KIFC1: variants seen among roughly 807,000 people sequenced by gnomAD.
KIFC1 encodes the protein kinesin-like protein KIFC1.
In KIFC1, 37 loss-of-function variants were observed where a neutral mutation model predicts 66.6. The ratio of observed to expected loss-of-function variants is 0.56; its 90% CI spans 0.43 to 0.73. The LOEUF is 0.73. Among genes scored for constraint, KIFC1 ranks in the 30% least tolerant of loss-of-function variants. The pLI is 0.00. For missense variants in KIFC1, 721 were observed against 859.8 expected (o/e 0.84, Z 2.02); for synonymous variants, 325 against 343.5 (o/e 0.95, Z 0.60).
At chr6:33,402,126 CAT>C (rs1775404383) in intron 3 of KIFC1, among the ~76,000 whole-genome samples, 2 of 152,078 alleles carry the variant, frequency 1.3e-5, no homozygotes, top group African/African-American at 4.8e-5. Flanking sequence ...AAACTAGTAA[CAT>C]AGTCATTATC....
Position 33,406,688 on chromosome 6 carries a change from A to AG in KIFC1, c.1901+27dup, listed in dbSNP as rs753601334. ...GATGTGAGTGAAAGGGACAGATGGA[A>AG]GGGGTCAGGTAGGAACTGTGTTGGG... On this transcript the variant is annotated intron_variant, in intron 9 of 10. Transcript: ENST00000428849. The surrounding 1 kb of genome is among the most constrained non-coding windows in gnomAD (Gnocchi z 4.5). 8.7e-6 allele frequency: 14 copies of AG among 1,613,572 alleles called. No individual in the cohort carries two copies. Among genetic ancestry groups the AG allele is most frequent in the Non-Finnish European group, 1.2e-5 (14 of 1,179,616 alleles).
At position 33,409,867 on chromosome 6, in the gene KIFC1, TAAA is replaced by T; in HGVS notation, c.*178_*180del. 4.7e-6 allele frequency: 3 copies of T among 631,788 alleles called. No individual in the cohort carries two copies. Among genetic ancestry groups the T allele is most frequent in the Non-Finnish European group, 8.1e-6 (3 of 371,832 alleles). 39.1% of individuals were successfully genotyped at this position (631,788 alleles called of 1,614,324 possible). A position where few individuals can be genotyped will look rare whatever the true frequency, so the allele number is the denominator to read the frequency against. ...ATAAAGAATAGTTTGGTTTTTTTTTTAAATAAAGGTTTTATTAGCATTTGCCCA... is the reference window on the plus strand; with the variant it reads ...ATAAAGAATAGTTTGGTTTTTTTTTTTAAAGGTTTTATTAGCATTTGCCCA... On this transcript the variant is annotated 3_prime_UTR_variant, in exon 11 of 11. Coordinates refer to ENST00000428849, the MANE Select transcript of KIFC1 (RefSeq NM_002263.4).
At position 33,403,006 on chromosome 6, in the gene KIFC1, A is replaced by G. The variant is rs895325996; in HGVS notation, c.251-308A>G. ...GTCTCAGTCAATCAATAAATAAAGT[A>G]TATGGGAGCGTGTGCATAGACTATA... On this transcript the variant is annotated intron_variant, in intron 3 of 10. Coordinates refer to ENST00000428849, the MANE Select transcript of KIFC1 (RefSeq NM_002263.4). This position sits in a 1 kb window ranked among gnomAD's most constrained non-coding sequence, Gnocchi z 4.6. Among the ~76,000 whole-genome samples the G allele has an allele frequency of 2.0e-5, 3 of 152,144 alleles. No homozygotes were observed. The highest frequency in any genetic ancestry group is 7.2e-5 in the African/African-American group (3 of 41,428).
rs1197949030 is a variant in KIFC1, at chr6:33,406,154, G to A, written c.1537-42G>A. On this transcript the variant is annotated intron_variant, in intron 7 of 10. Transcript: ENST00000428849. This position sits in a 1 kb window ranked among gnomAD's most constrained non-coding sequence, Gnocchi z 4.5. ...ATTTCCATACATATTACTATGTACT[G>A]ACTTCTGCCTGCCTTTTTGCCCCTT... 6.4e-7 allele frequency: 1 copy of A among 1,555,310 alleles called. No individual in the cohort carries two copies. Among genetic ancestry groups the A allele is most frequent in the Non-Finnish European group, 8.7e-7 (1 of 1,144,724 alleles).
rs1287688479 is a variant in KIFC1 at position 33,401,536 on chromosome 6, T to G, written c.251-1778T>G. 2.6e-5 allele frequency among the ~76,000 whole-genome samples: 4 copies of G among 152,192 alleles called. No individual in the cohort carries two copies. Among genetic ancestry groups the G allele is most frequent in the Non-Finnish European group, 4.4e-5 (3 of 68,032 alleles). On this transcript the variant is annotated intron_variant, in intron 3 of 10. Transcript: ENST00000428849. This position sits in a 1 kb window ranked among gnomAD's most constrained non-coding sequence, Gnocchi z 4.5. Reference sequence around the variant, plus strand: ...AATATTATTTTGCTTTTCAAACTTTTTGTTAAAAACGAAGAAATATACACA... The same window carrying G: ...AATATTATTTTGCTTTTCAAACTTTGTGTTAAAAACGAAGAAATATACACA...
At chr6:33,395,270 C>A (rs574020242) in intron 1 of KIFC1, among the ~76,000 whole-genome samples, 3 of 152,250 alleles carry the variant, frequency 2.0e-5, no homozygotes, top group African/African-American at 4.8e-5. Flanking sequence ...AGTTCAGATT[C>A]TTTTAGTTTC....
At position 33,409,705 on chromosome 6, in the gene KIFC1, CTGTGTGTGTGTGTGTGTGTGTG is replaced by C. The variant is rs3066474; in HGVS notation, c.*43_*64del. On this transcript the variant is annotated 3_prime_UTR_variant, in exon 11 of 11. Transcript: ENST00000428849. ...ACAGGAAGTGAAGACGGATCCAGAT[CTGTGTGTGTGTGTGTGTGTGTG>C]TGTGTGTGTGTGTGTGTGTGTGTGT... The C allele has an allele frequency of 0.03, 38,511 of 1,264,054 alleles. 1,011 individuals carry two copies. The highest frequency in any genetic ancestry group is 0.037 in the Non-Finnish European group (33,618 of 912,340). 78.3% of individuals were successfully genotyped at this position (1,264,054 alleles called of 1,614,324 possible). A position where few individuals can be genotyped will look rare whatever the true frequency, so the allele number is the denominator to read the frequency against.
Position 33,398,135 on chromosome 6 carries a change from A to G in KIFC1, c.119A>G (p.Asp40Gly). The change falls in exon 2 of 11, where the codon GAC becomes GGC. Residue 40 changes from aspartate (D) to glycine (G), a missense_variant. By Grantham distance (94) the Asp-to-Gly change is moderately conservative (BLOSUM62 -1). Coordinates refer to ENST00000428849, the MANE Select transcript of KIFC1 (RefSeq NM_002263.4). The part of the protein sequence containing the change: ...LSGSRLKRRP[D>G]QMEDGLEPEK... ...GGAAGCAGACTCAAGAGGAGGCCTGACCAGATGGAAGATGGCCTGGAGCCT... is the reference window on the plus strand; with the variant it reads ...GGAAGCAGACTCAAGAGGAGGCCTGGCCAGATGGAAGATGGCCTGGAGCCT... The G allele has an allele frequency of 6.2e-7, 1 of 1,614,182 alleles. No individual in the cohort carries two copies. Among genetic ancestry groups the G allele is most frequent in the Non-Finnish European group, 8.5e-7 (1 of 1,180,028 alleles).
At chr6:33,409,336 G>A (rs1003883081) in intron 10 of KIFC1, among the ~76,000 whole-genome samples, 1 of 152,062 alleles carries the variant, frequency 6.6e-6, no homozygotes, top group Admixed American at 6.5e-5. Flanking sequence ...ATTTTATCTC[G>A]GTTTAAGTGT....
In KIFC1 at chr6:33,409,754, T is replaced by TGTGTGTGTGTGTGC; in HGVS notation, c.*64_*65insGTGTGTGTGTGTGC. 7.4e-7 allele frequency: 1 copy of TGTGTGTGTGTGTGC among 1,342,944 alleles called. No homozygotes were observed. Among genetic ancestry groups the TGTGTGTGTGTGTGC allele is most frequent in the Non-Finnish European group, 1.0e-6 (1 of 959,310 alleles). The allele number at this position is 1,342,944 out of a possible 1,614,324, so 83.2% of individuals were successfully genotyped here. A position where few individuals can be genotyped will look rare whatever the true frequency, so the allele number is the denominator to read the frequency against. ...GTGTGTGTGTGTGTGTGTGTGTGTG[T>TGTGTGTGTGTGTGC]CCCTATGTCTATGTATCGGGTGAGG... On this transcript the variant is annotated 3_prime_UTR_variant, in exon 11 of 11. Coordinates refer to ENST00000428849, the MANE Select transcript of KIFC1 (RefSeq NM_002263.4).
chr6:33,405,761 A>T lies in KIFC1; in HGVS notation c.1536+130A>T. The T allele has an allele frequency of 9.8e-7, 1 of 1,017,966 alleles. No homozygotes were observed. The highest frequency in any genetic ancestry group is 2.1e-5 in the South Asian group (1 of 46,606). The allele number at this position is 1,017,966 out of a possible 1,614,324, so 63.1% of individuals were successfully genotyped here. On this transcript the variant is annotated intron_variant, in intron 7 of 10. Transcript: ENST00000428849. The surrounding 1 kb of genome is among the most constrained non-coding windows in gnomAD (Gnocchi z 5.4). The stretch of plus-strand genomic sequence containing the variant: ...GTGCAAGTTATCAGGCTGGGTTACC[A>T]CATCCGGTTTTGGCCTGTGGGCTGT...
chr6:33,408,184 T>C (rs1000453515), intron 10 of KIFC1, among the ~76,000 whole-genome samples: 1 of 152,274 alleles, frequency 6.6e-6, no homozygotes, highest in Non-Finnish European at 1.5e-5. Flanking sequence ...GTGTCTTTTA[T>C]ACATAATAGG....
rs368666912 is a variant in KIFC1, at chr6:33,400,133, T to C, written c.250+1746T>C. 2.9e-6 allele frequency: 3 copies of C among 1,019,384 alleles called. No individual in the cohort carries two copies. The African/African-American group carries it at 4.7e-5, about 16-fold the overall frequency. The allele number at this position is 1,019,384 out of a possible 1,614,324, so 63.1% of individuals were successfully genotyped here. Reference sequence around the variant, plus strand: ...TCATGAGGGTGGTGGCCATCAACATTACAGCCCATAGACTGGGCAGTCCCC... The same window carrying C: ...TCATGAGGGTGGTGGCCATCAACATCACAGCCCATAGACTGGGCAGTCCCC... On this transcript the variant is annotated intron_variant, in intron 3 of 10. Coordinates refer to ENST00000428849, the MANE Select transcript of KIFC1 (RefSeq NM_002263.4). The surrounding 1 kb of genome is among the most constrained non-coding windows in gnomAD (Gnocchi z 4.3).
At chr6:33,391,707 T>C, upstream of KIFC1, 2 of 592,480 alleles carry the variant, frequency 3.4e-6, no homozygotes, top group Non-Finnish European at 6.0e-6. Flanking sequence ...ACAAGGCGCC[T>C]GTCGGGCGGG....
Position 33,404,825 on chromosome 6 carries a change from G to C in KIFC1, c.757-27G>C. The C allele has an allele frequency of 1.3e-6, 2 of 1,573,372 alleles. No homozygotes were observed. The highest frequency in any genetic ancestry group is 1.7e-6 in the Non-Finnish European group (2 of 1,157,666). ...TCTTCTTGGTTGCATCTTACCCTCT[G>C]TGTATGTTGTGTTCTCTTCTGGGCA... On this transcript the variant is annotated intron_variant, in intron 6 of 10. Transcript: ENST00000428849. The surrounding 1 kb of genome is among the most constrained non-coding windows in gnomAD (Gnocchi z 4.0).
At chr6:33,395,799 G>A (rs566592866) in intron 1 of KIFC1, among the ~76,000 whole-genome samples, 1 of 152,194 alleles carries the variant, frequency 6.6e-6, no homozygotes, top group East Asian at 1.9e-4. Flanking sequence ...AGAAAAATTT[G>A]GTTTCCATAC....
chr6:33,396,810 G>A (rs1326643402), intron 1 of KIFC1, among the ~76,000 whole-genome samples: 1 of 150,496 alleles, frequency 6.6e-6, no homozygotes, highest in African/African-American at 2.4e-5. Context: ...GCCTCCCCAG[G>A]AGCTGGGACT....
intron 3 of KIFC1, among the ~76,000 whole-genome samples, chr6:33,399,410 TAAAA>T (rs1278737553): frequency 3.3e-5 from 5 of 151,192 alleles, no homozygotes; most frequent in African/African-American, 1.2e-4. Context: ...TCATGGAAAA[TAAAA>T]AATAAAACCA....
chr6:33,403,212 C>A lies in KIFC1; in HGVS notation c.251-102C>A. 9.2e-7 allele frequency: 1 copy of A among 1,081,130 alleles called. No homozygotes were observed. The highest frequency in any genetic ancestry group is 1.4e-6 in the Non-Finnish European group (1 of 705,188). 67.0% of individuals were successfully genotyped at this position (1,081,130 alleles called of 1,614,324 possible). ...ATAAGGGAAGGAAGTTATCCTATTT[C>A]TAATTCTGAGAAAAGCACTTCTTCT... On this transcript the variant is annotated intron_variant, in intron 3 of 10. Transcript: ENST00000428849. The surrounding 1 kb of genome is among the most constrained non-coding windows in gnomAD (Gnocchi z 4.6).
Sources: allele counts gnomAD v4.1 joint callset (sites outside exome capture counted in the v4.1 genomes callset), GRCh38; gene constraint gnomAD v4.1.1; non-coding constraint Gnocchi (gnomAD v3.1); transcripts MANE v1.5; gene names NCBI Gene and HGNC (gene_info 2026-07-23, HGNC 2026-07-21).